Variants in PALD1 observed in about 807,000 individuals in gnomAD.
The protein encoded by PALD1 is phosphatase domain containing paladin 1.
A neutral mutation model predicts 96.0 loss-of-function variants in PALD1; 57 were observed. That is an observed-to-expected ratio of 0.59 (90% CI 0.48 to 0.74). The LOEUF (loss-of-function observed/expected upper bound fraction) is 0.74. PALD1 is among the 30% of genes least tolerant of loss of function. PALD1 has a pLI of 0.00. For missense variants in PALD1, 1,063 were observed against 1,143.7 expected (o/e 0.93, Z 1.02); for synonymous variants, 464 against 473.6 (o/e 0.98, Z 0.26).
At chr10:70,549,086 G>C (rs1164291885) in intron 18 of PALD1, among the ~76,000 whole-genome samples, 1 of 151,830 alleles carries the variant, frequency 6.6e-6, no homozygotes, top group African/African-American at 2.4e-5. Context: ...TAAATGTGGG[G>C]AGGGGAAGGT....
At chr10:70,544,503 C>T (rs543108090) in intron 17 of PALD1, among the ~76,000 whole-genome samples, 2 of 152,052 alleles carry the variant, frequency 1.3e-5, no homozygotes, top group African/African-American at 4.8e-5. Context: ...GAGGCAGGAG[C>T]TGAGTGAGGA....
chr10:70,488,397 A>G (rs920162189), intron 1 of PALD1, among the ~76,000 whole-genome samples: 4 of 152,258 alleles, frequency 2.6e-5, no homozygotes, highest in African/African-American at 7.2e-5. Context: ...CTGGGATTAC[A>G]GGCGTAAGCC....
chr10:70,477,262 G>A (rs1456229577), upstream of PALD1, among the ~76,000 whole-genome samples: 1 of 152,136 alleles, frequency 6.6e-6, no homozygotes, highest in African/African-American at 2.4e-5. Context: ...CACACACGAT[G>A]CCTGGACATT....
intron 18 of PALD1, among the ~76,000 whole-genome samples, chr10:70,553,633 C>A (rs1847527530): frequency 6.6e-6 from 1 of 152,190 alleles, no homozygotes; most frequent in Admixed American, 6.5e-5. Flanking sequence ...TCCGGTTTTA[C>A]ATTTGAGGAG....
At chr10:70,509,761 C>T (rs1034784259) in intron 1 of PALD1, among the ~76,000 whole-genome samples, 4 of 152,198 alleles carry the variant, frequency 2.6e-5, no homozygotes, top group African/African-American at 9.7e-5. Flanking sequence ...TGTGGGGCAG[C>T]TCTGGAACTT....
At chr10:70,485,376 T>A (rs1331944612) in intron 1 of PALD1, 1 of 155,288 alleles carries the variant, frequency 6.4e-6, no homozygotes, top group Non-Finnish European at 1.4e-5. Flanking sequence ...AGATGTAAGA[T>A]TTCAGGTTAG....
At position 70,532,658 on chromosome 10, in the gene PALD1, A is replaced by T. The variant is rs373865797; in HGVS notation, c.671A>T (p.His224Leu). 2 of 1,614,006 alleles carry T rather than the reference A, an allele frequency of 1.2e-6. No individual in the cohort carries two copies. The highest frequency in any genetic ancestry group is 3.3e-5 in the Admixed American group (2 of 60,010). Residue 224 changes from histidine (H) to leucine (L), a missense_variant, in exon 6 of 20, where the codon CAT (histidine) becomes CTT (leucine). Coordinates refer to ENST00000263563, the MANE Select transcript of PALD1 (RefSeq NM_014431.3). ...DFAQLSENTY[H>L]VYHNTEDLWG... is the part of the protein sequence containing the mutation. ...GCCCAGCTGAGCGAGAACACATACC[A>T]TGTGTACCATAACACCGAGGACCTG...
the PALD1 span, among the ~76,000 whole-genome samples, chr10:70,473,755 C>T: frequency 2.0e-4 from 30 of 152,046 alleles, no homozygotes; most frequent in Non-Finnish European, 3.7e-4. Flanking sequence ...AAGCGATGCT[C>T]GTGCCTCAGC....
chr10:70,501,642 G>C (rs1003068354), intron 1 of PALD1, among the ~76,000 whole-genome samples: 2 of 152,174 alleles, frequency 1.3e-5, no homozygotes, highest in Admixed American at 6.5e-5. Context: ...CCACTGTGTA[G>C]TTCTTTTTTG....
intron 17 of PALD1, among the ~76,000 whole-genome samples, chr10:70,543,090 C>T (rs1484458323): frequency 1.4e-5 from 2 of 147,054 alleles, no homozygotes; most frequent in African/African-American, 2.5e-5. Flanking sequence ...GGATAATAGC[C>T]ATCCTGCTGG....
At chr10:70,566,552 C>T (rs774707832) in intron 19 of PALD1, 29 bp from the exon 20 acceptor site, 4 of 1,576,532 alleles carry the variant, frequency 2.5e-6, no homozygotes, top group Non-Finnish European at 3.5e-6. Flanking sequence ...TCCCCTGAAA[C>T]ACTGCTCCTG....
intron 2 of PALD1, 116 bp from the exon 3 acceptor site, chr10:70,529,113 C>T (rs942366567): frequency 4.0e-5 from 25 of 622,712 alleles, no homozygotes; most frequent in Admixed American, 1.1e-4. Flanking sequence ...GCAGTCTCTG[C>T]CACAAATCGT....
chr10:70,534,761 G>A lies in PALD1; in HGVS notation c.1145G>A (p.Cys382Tyr). ...CAGGTGGACAGAGCCATCACTGCCTGTGCCGAGTTGCATGACCTGAAAGAA... is the reference window on the plus strand; with the variant it reads ...CAGGTGGACAGAGCCATCACTGCCTATGCCGAGTTGCATGACCTGAAAGAA... ...VEEVDRAITA[C>Y]AELHDLKEVV... Residue 382 changes from cysteine to tyrosine, a missense_variant, in exon 10 of 20, where the codon TGT becomes TAT. Coordinates refer to ENST00000263563, the MANE Select transcript of PALD1 (RefSeq NM_014431.3). The A allele has an allele frequency of 6.2e-7, 1 of 1,610,782 alleles. No homozygotes were observed. Among genetic ancestry groups the A allele is most frequent in the Non-Finnish European group, 8.5e-7 (1 of 1,178,410 alleles).
rs764488687 is a variant in PALD1 at position 70,529,209 on chromosome 10, C to CG, written c.186-20_186-19insG. 62 of 4,432 alleles carry CG rather than the reference C, an allele frequency of 0.014. 1 individual carries two copies. Among genetic ancestry groups the CG allele is most frequent in the Non-Finnish European group, 0.022 (40 of 1,786 alleles). The allele number at this position is 4,432 out of a possible 1,614,324, so 0.3% of individuals were successfully genotyped here. A position where few individuals can be genotyped will look rare whatever the true frequency, so the allele number is the denominator to read the frequency against. On this transcript the variant is annotated intron_variant, in intron 2 of 19. Coordinates refer to ENST00000263563, the MANE Select transcript of PALD1 (RefSeq NM_014431.3). The stretch of plus-strand genomic sequence containing the variant: ...GTTGCTTGACTCAGTTTCCATTCTG[C>CG]CCCCCCCCCCCCCCCCCAGGTACAA...
At chr10:70,468,255 T>C in the PALD1 span, among the ~76,000 whole-genome samples, 2,329 of 152,156 alleles carry the variant, frequency 0.015, 24 homozygotes, top group Non-Finnish European at 0.023. Flanking sequence ...AGGTAAGGTT[T>C]TTTTTGAGAT....
rs753597592 is a variant in PALD1, at chr10:70,531,236, G to C, written c.469-54G>C. ...GGCCCTGAGGTGGGGCAGTGGTGCA[G>C]GTGTCTGTGCGGGATCATGATGATG... On this transcript the variant is annotated intron_variant, in intron 4 of 19. Coordinates refer to ENST00000263563, the MANE Select transcript of PALD1 (RefSeq NM_014431.3). 3.3e-6 allele frequency: 5 copies of C among 1,499,688 alleles called. No individual in the cohort carries two copies. In the East Asian group the frequency reaches 6.8e-5, roughly 20 times the overall value. 92.9% of individuals were successfully genotyped at this position (1,499,688 alleles called of 1,614,324 possible).
intron 1 of PALD1, among the ~76,000 whole-genome samples, chr10:70,506,020 CAA>C (rs34004123): frequency 2.8e-5 from 4 of 144,742 alleles, no homozygotes; most frequent in African/African-American, 7.6e-5. Context: ...GACCCCATCT[CAA>C]AAAAAAAAAA....
chr10:70,520,127 G>A (rs1188090092), intron 1 of PALD1, among the ~76,000 whole-genome samples: 10 of 152,120 alleles, frequency 6.6e-5, no homozygotes, highest in African/African-American at 2.4e-4. Context: ...GGCCGGCGGG[G>A]AGGGCAGGAA....
At chr10:70,544,006 A>G (rs1847310341) in intron 17 of PALD1, among the ~76,000 whole-genome samples, 1 of 152,024 alleles carries the variant, frequency 6.6e-6, no homozygotes, top group Admixed American at 6.5e-5. Flanking sequence ...ACCCCTGTAC[A>G]CCCTATCCTC....
Sources: allele counts gnomAD v4.1 joint callset (sites outside exome capture counted in the v4.1 genomes callset), GRCh38; gene constraint gnomAD v4.1.1; transcripts MANE v1.5; gene names NCBI Gene and HGNC (gene_info 2026-07-23, HGNC 2026-07-21).